ICE1: variants seen among roughly 807,000 people sequenced by gnomAD.
The protein encoded by ICE1 is interactor of little elongation complex ELL subunit 1.
Under a neutral mutation model 192.7 loss-of-function variants are expected in ICE1, and 64 were observed. The observed-to-expected ratio is 0.33, with a 90% CI of 0.27 to 0.41. ICE1 has a LOEUF of 0.41. Ranked by LOEUF, ICE1 falls within the 10% of genes least tolerant of loss-of-function variation. The pLI is 1.00. For missense variants in ICE1, 2,708 were observed against 2,696.0 expected, an observed-to-expected ratio of 1.00 and a Z score of -0.10; for synonymous variants, 1,010 against 984.5, an observed-to-expected ratio of 1.03 and a Z score of -0.49.
intron 1 of ICE1, among the ~76,000 whole-genome samples, chr5:5,424,372 G>GC (rs1419838944): frequency 2.8e-4 from 42 of 151,664 alleles, no homozygotes; most frequent in Admixed American, 2.0e-3. Context: ...ATCTTATAAC[G>GC]CCCCCCCGCC....
At chr5:5,438,512 G>A (rs917716346) in intron 3 of ICE1, among the ~76,000 whole-genome samples, 2 of 152,208 alleles carry the variant, frequency 1.3e-5, no homozygotes, top group African/African-American at 4.8e-5. Flanking sequence ...AACTATACGT[G>A]CATATTATGG....
intron 1 of ICE1, among the ~76,000 whole-genome samples, chr5:5,427,007 A>G (rs1737541569): frequency 6.6e-6 from 1 of 152,204 alleles, no homozygotes; most frequent in African/African-American, 2.4e-5. Context: ...CTGAACTGTA[A>G]TGTTAGGCTA....
intron 5 of ICE1, among the ~76,000 whole-genome samples, chr5:5,442,326 T>A (rs1738075176): frequency 1.3e-5 from 2 of 152,178 alleles, no homozygotes. Context: ...ATTGTGCTAT[T>A]TTAGTGGTGA....
chr5:5,481,876 A>G (rs1407246036), intron 17 of ICE1, among the ~76,000 whole-genome samples: 1 of 152,188 alleles, frequency 6.6e-6, no homozygotes, highest in Non-Finnish European at 1.5e-5. Context: ...GCTACCCCAT[A>G]TAGCCTAGGT....
At chr5:5,445,500 C>T (rs923281098) in intron 7 of ICE1, among the ~76,000 whole-genome samples, 2 of 151,932 alleles carry the variant, frequency 1.3e-5, no homozygotes, top group East Asian at 1.9e-4. Context: ...GGTGCGATCT[C>T]GGCTCACTGC....
intron 3 of ICE1, 117 bp downstream of exon 3, chr5:5,437,231 C>T (rs193054419): frequency 5.3e-5 from 37 of 694,798 alleles, no homozygotes; most frequent in Non-Finnish European, 6.5e-5. Flanking sequence ...TAACAGGCTT[C>T]AGTAGGGAGC....
intron 10 of ICE1, among the ~76,000 whole-genome samples, chr5:5,449,450 AT>A (rs1458580785): frequency 6.6e-6 from 1 of 150,670 alleles, no homozygotes; most frequent in Non-Finnish European, 1.5e-5. Flanking sequence ...TCCAACAAAA[AT>A]TTTCGACCGG....
chr5:5,459,530 A>G (rs1367096752), intron 12 of ICE1, among the ~76,000 whole-genome samples: 4 of 152,152 alleles, frequency 2.6e-5, no homozygotes, highest in African/African-American at 9.7e-5. Flanking sequence ...GAGAAGATGG[A>G]GTCCCAGTCA....
intron 1 of ICE1, among the ~76,000 whole-genome samples, chr5:5,423,578 A>G (rs1737406443): frequency 6.6e-6 from 1 of 152,210 alleles, no homozygotes; most frequent in African/African-American, 2.4e-5. Context: ...AAAGTAGTTT[A>G]TGAAAGGCAT....
At chr5:5,423,232 T>C (rs990105411) in intron 1 of ICE1, among the ~76,000 whole-genome samples, 2 of 152,038 alleles carry the variant, frequency 1.3e-5, no homozygotes, top group Non-Finnish European at 2.9e-5. Context: ...TGGAATGCGC[T>C]GGTGTAACGG....
intron 6 of ICE1, among the ~76,000 whole-genome samples, chr5:5,443,570 C>T (rs1476028647): frequency 6.6e-6 from 1 of 152,110 alleles, no homozygotes; most frequent in Non-Finnish European, 1.5e-5. Context: ...AGGTGTTTGT[C>T]TGTGTATATA....
In ICE1 at chr5:5,444,162, A is replaced by G. The variant is rs911000115; in HGVS notation, c.387-127A>G. The stretch of plus-strand genomic sequence containing the variant: ...ATAGTATATTATTCTCTCTTAGGAT[A>G]CTAGTTCAGACTGAACATTTGTTAT... On this transcript the variant is annotated intron_variant, in intron 6 of 18. Transcript: ENST00000296564. 77 of 640,312 alleles carry G rather than the reference A, an allele frequency of 1.2e-4. 1 individual carries two copies. Among genetic ancestry groups the G allele is most frequent in the Middle Eastern group, 8.3e-4 (2 of 2,424 alleles). The allele number at this position is 640,312 out of a possible 1,614,324, so 39.7% of individuals were successfully genotyped here.
intron 14 of ICE1, 46 bp downstream of exon 14, chr5:5,466,548 C>G: frequency 1.3e-6 from 2 of 1,483,976 alleles, no homozygotes; most frequent in South Asian, 1.3e-5. Context: ...ATACGATTGC[C>G]TTTTTCCCTT....
intron 1 of ICE1, among the ~76,000 whole-genome samples, chr5:5,424,182 C>A (rs1297556835): frequency 6.6e-6 from 1 of 152,096 alleles, no homozygotes; most frequent in Non-Finnish European, 1.5e-5. Context: ...TGAGACCAGA[C>A]GGGAGTGCAG....
intron 16 of ICE1, among the ~76,000 whole-genome samples, chr5:5,475,644 C>T (rs569644782): frequency 6.0e-4 from 92 of 152,288 alleles, no homozygotes; most frequent in African/African-American, 2.2e-3. Context: ...GCTGCTTTTG[C>T]ACCTGGAGAG....
Position 5,479,349 on chromosome 5 carries a change from C to T in ICE1, c.6520+3270C>T, listed in dbSNP as rs555217769. On this transcript the variant is annotated intron_variant, in intron 17 of 18. Coordinates refer to ENST00000296564, the MANE Select transcript of ICE1 (RefSeq NM_015325.3). ...CCAACAAACATGAAAAAAAGCTCATCATTCACTGGTTATTAGAGAAACGCA... is the reference window on the plus strand; with the variant it reads ...CCAACAAACATGAAAAAAAGCTCATTATTCACTGGTTATTAGAGAAACGCA... 9.8e-5 allele frequency among the ~76,000 whole-genome samples: 15 copies of T among 152,332 alleles called. No homozygotes were observed. The South Asian group carries it at 2.3e-3, about 23-fold the overall frequency.
In ICE1 at chr5:5,466,477, G is replaced by A. The variant is rs1738988486; in HGVS notation, c.6036G>A (p.Leu2012=). Residue 2012 remains leucine, a synonymous_variant, in exon 14 of 19, where the codon TTG becomes TTA. Transcript: ENST00000296564. ...TCGGAGACTTGGAAAGAGCTCGTTT[G>A]TTTTGCTACAGCCTACTTAAAGAAG... ...RQLGDLERAR[L]FCYSLLKEDF... The A allele has an allele frequency of 6.2e-7, 1 of 1,610,556 alleles. No homozygotes were observed. The highest frequency in any genetic ancestry group is 1.7e-5 in the Admixed American group (1 of 59,130).
rs531754232 is a variant in ICE1, at chr5:5,462,496, A to G, written c.3162A>G (p.Thr1054=). The change falls in exon 13 of 19, where the codon ACA becomes ACG. Residue 1054 remains threonine, a synonymous_variant. Coordinates refer to ENST00000296564, the MANE Select transcript of ICE1 (RefSeq NM_015325.3). ...NANGLWKLKS[T]TPGGALPECF... ...ATGGACTTTGGAAATTGAAATCTAC[A>G]ACTCCCGGTGGTGCTTTGCCTGAGT... 3.7e-6 allele frequency: 6 copies of G among 1,613,874 alleles called. No individual in the cohort carries two copies. Among genetic ancestry groups the G allele is most frequent in the African/African-American group, 2.7e-5 (2 of 75,012 alleles).
At chr5:5,426,195 C>T (rs975897326) in intron 1 of ICE1, among the ~76,000 whole-genome samples, 1 of 152,216 alleles carries the variant, frequency 6.6e-6, no homozygotes, top group African/African-American at 2.4e-5. Flanking sequence ...TGCCTGTAAT[C>T]CCAACACTTT....
Sources: allele counts gnomAD v4.1 joint callset (sites outside exome capture counted in the v4.1 genomes callset), GRCh38; gene constraint gnomAD v4.1.1; transcripts MANE v1.5; gene names NCBI Gene and HGNC (gene_info 2026-07-23, HGNC 2026-07-21).